Variants in KCTD1 observed in about 807,000 individuals in gnomAD.
The protein encoded by KCTD1 is potassium channel tetramerization domain containing 1, also known as BTB/POZ domain-containing protein KCTD1.
Under a neutral mutation model 66.0 loss-of-function variants are expected in KCTD1, and 24 were observed. That is an observed-to-expected ratio of 0.36 (90% CI 0.26 to 0.51). KCTD1 has a LOEUF of 0.51. Ranked by LOEUF, KCTD1 falls within the 20% of genes least tolerant of loss-of-function variation. The pLI is 0.95. For missense variants in KCTD1, 943 were observed against 1,205.2 expected (o/e 0.78, Z 3.22); for synonymous variants, 511 against 517.2 (o/e 0.99, Z 0.16).
chr18:26,647,771 T>C (rs112865652), intron 1 of KCTD1, among the ~76,000 whole-genome samples: 1 of 152,028 alleles, frequency 6.6e-6, no homozygotes, highest in African/African-American at 2.4e-5. Context: ...TTCCTGGAAC[T>C]CACGGACAAA....
chr18:26,490,284 A>G (rs1217417556), intron 2 of KCTD1, among the ~76,000 whole-genome samples: 1 of 152,188 alleles, frequency 6.6e-6, no homozygotes, highest in Non-Finnish European at 1.5e-5. Flanking sequence ...CCTGGGAGAT[A>G]TAGATTAAGT....
In KCTD1 at chr18:26,546,811, G is replaced by T. The variant is rs1204111216; in HGVS notation, c.1726C>A (p.Leu576Met). ...CCATTGGCTTCTGGAAGAAGAGGCA[G>T]GGGGTCGTGTTTCACGGAAACCACC... is the stretch of plus-strand genomic sequence containing the variant. ...VVVVSVKHDP[L>M]PLLPEANGHR... The change falls in exon 1 of 5, where the codon CTG (leucine) becomes ATG (methionine). Residue 576 changes from leucine to methionine, a missense_variant. This residue lies in a region of KCTD1 where 197 missense variants were observed against 182.7 expected (regional missense o/e 1.08). Coordinates refer to ENST00000580059, the MANE Select transcript of KCTD1 (RefSeq NM_001142730.3). The T allele has an allele frequency of 3.2e-6, 5 of 1,544,186 alleles. No homozygotes were observed. Among genetic ancestry groups the T allele is most frequent in the African/African-American group, 1.4e-5 (1 of 72,718 alleles).
chr18:26,535,111 G>GTGC (rs11376459), intron 1 of KCTD1, among the ~76,000 whole-genome samples: 2 of 112,118 alleles, frequency 1.8e-5, no homozygotes. Flanking sequence ...TGGGGTTGGG[G>GTGC]GGTGGGGGTG....
chr18:26,481,527 C>T (rs903338088), intron 2 of KCTD1, among the ~76,000 whole-genome samples: 3 of 152,092 alleles, frequency 2.0e-5, no homozygotes, highest in Non-Finnish European at 4.4e-5. Context: ...GCCATGTGAG[C>T]CGGGTCAAGG....
chr18:26,559,509 C>G (rs1209230988), intron 1 of KCTD1, among the ~76,000 whole-genome samples: 1 of 152,182 alleles, frequency 6.6e-6, no homozygotes, highest in Non-Finnish European at 1.5e-5. Context: ...GATTATGCTG[C>G]TGCTGGTTCC....
intron 1 of KCTD1, among the ~76,000 whole-genome samples, chr18:26,560,767 A>G (rs1391500828): frequency 2.0e-5 from 3 of 152,248 alleles, no homozygotes; most frequent in African/African-American, 7.2e-5. Context: ...ATCTTAAAGG[A>G]GTCTGATGCA....
chr18:26,547,733 G>A lies in KCTD1; in HGVS notation c.804C>T (p.Arg268=), dbSNP rs768284355. The A allele has an allele frequency of 4.8e-5, 74 of 1,546,126 alleles. No homozygotes were observed. Among genetic ancestry groups the A allele is most frequent in the Non-Finnish European group, 6.4e-5 (73 of 1,146,698 alleles). The change falls in exon 1 of 5, where the codon CGC becomes CGT. Residue 268 remains arginine (R), a synonymous_variant. Transcript: ENST00000580059. ...GCCCGGCGCCCTGCTCCTCGAGCTT[G>A]CGGATGACCGCGGCCAGCGTCAGGT... The part of the protein sequence containing the change: ...SANLTLAAVI[R]KLEEQGAGPV...
intron 1 of KCTD1, among the ~76,000 whole-genome samples, chr18:26,507,395 G>A (rs1983095993): frequency 6.6e-6 from 1 of 152,064 alleles, no homozygotes; most frequent in East Asian, 1.9e-4. Flanking sequence ...TTAGAGACTC[G>A]GTCTCACTCT....
At chr18:26,618,512 T>A (rs1196236393) in intron 1 of KCTD1, among the ~76,000 whole-genome samples, 1 of 152,110 alleles carries the variant, frequency 6.6e-6, no homozygotes, top group Non-Finnish European at 1.5e-5. Flanking sequence ...AAACGATGCC[T>A]CTCTCTTCAT....
At chr18:26,587,304 A>G (rs545995310) in intron 1 of KCTD1, among the ~76,000 whole-genome samples, 1 of 152,342 alleles carries the variant, frequency 6.6e-6, no homozygotes, top group South Asian at 2.1e-4. Context: ...GGTTTACTGA[A>G]TATTTTAAGC....
At chr18:26,628,096 T>A (rs1334847843) in intron 1 of KCTD1, among the ~76,000 whole-genome samples, 4 of 152,212 alleles carry the variant, frequency 2.6e-5, no homozygotes, top group Non-Finnish European at 5.9e-5. Flanking sequence ...AAAGTGGCCA[T>A]ATAATTTACT....
At chr18:26,575,586 CTGGGG>C (rs1388230995) in intron 1 of KCTD1, 4 of 152,300 alleles carry the variant, frequency 2.6e-5, no homozygotes, top group South Asian at 2.1e-4. Context: ...TCTTTGTGAC[CTGGGG>C]AAATGGCTTA....
intron 2 of KCTD1, among the ~76,000 whole-genome samples, chr18:26,477,775 A>G (rs990012408): frequency 3.3e-5 from 5 of 152,230 alleles, no homozygotes; most frequent in Non-Finnish European, 5.9e-5. Context: ...TTTAAAGATA[A>G]TTTTAAAGTT....
Position 26,455,484 on chromosome 18 carries a change from C to CT in KCTD1, c.*258dup, listed in dbSNP as rs55728005. The CT allele has an allele frequency of 0.28, 50,311 of 179,372 alleles. 6,838 individuals carry two copies. The highest frequency in any genetic ancestry group is 0.38 in the African/African-American group (14,928 of 39,710). 11.1% of individuals were successfully genotyped at this position (179,372 alleles called of 1,614,324 possible). A position where few individuals can be genotyped will look rare whatever the true frequency, so the allele number is the denominator to read the frequency against. On this transcript the variant is annotated 3_prime_UTR_variant, in exon 5 of 5. Coordinates refer to ENST00000580059, the MANE Select transcript of KCTD1 (RefSeq NM_001142730.3). ...TCACAGCACCAACTGCGGCTGTCAC[C>CT]TTTTTTTTTTTTCTTTTTTGCATTT...
At chr18:26,627,048 T>C (rs963445781) in intron 1 of KCTD1, among the ~76,000 whole-genome samples, 2 of 152,212 alleles carry the variant, frequency 1.3e-5, no homozygotes, top group Non-Finnish European at 2.9e-5. Context: ...GCCTAACTTA[T>C]GCCCCACCTC....
At chr18:26,637,881 G>C (rs565188830) in intron 1 of KCTD1, among the ~76,000 whole-genome samples, 3 of 152,334 alleles carry the variant, frequency 2.0e-5, no homozygotes, top group Non-Finnish European at 4.4e-5. Context: ...GTTGTTGTGA[G>C]AATTGAATAA....
Position 26,577,725 on chromosome 18 carries a change from G to GTTTT in KCTD1, c.-16+51418_-16+51421dup. ...CATGCCTGGCTAATTAGTTTTTAGT[G>GTTTT]TTTTTTTTTGTTTGTTTTTTTGTTT... On this transcript the variant is annotated intron_variant, in intron 1 of 4. Transcript: ENST00000317932. Among the ~76,000 whole-genome samples the GTTTT allele has an allele frequency of 1.3e-5, 2 of 150,224 alleles. 1 individual carries two copies. The highest frequency in any genetic ancestry group is 4.9e-5 in the African/African-American group (2 of 40,862).
intron 1 of KCTD1, among the ~76,000 whole-genome samples, chr18:26,512,954 C>G (rs1405642726): frequency 6.6e-6 from 1 of 151,970 alleles, no homozygotes; most frequent in Non-Finnish European, 1.5e-5. Flanking sequence ...GCACTCCAGC[C>G]TGGGCAACGC....
At chr18:26,478,656 C>T (rs1981470291) in intron 2 of KCTD1, among the ~76,000 whole-genome samples, 1 of 152,124 alleles carries the variant, frequency 6.6e-6, no homozygotes, top group Admixed American at 6.5e-5. Context: ...TAAACCTATA[C>T]GGGGTGAATG....
Sources: allele counts gnomAD v4.1 joint callset (sites outside exome capture counted in the v4.1 genomes callset), GRCh38; gene constraint gnomAD v4.1.1; regional missense constraint gnomAD v4.1.1; transcripts MANE v1.5; gene names NCBI Gene and HGNC (gene_info 2026-07-23, HGNC 2026-07-21).